Variants in UROC1 observed in about 807,000 individuals in gnomAD.
UROC1 encodes the protein urocanate hydratase.
Under a neutral mutation model 89.5 loss-of-function variants are expected in UROC1, and 79 were observed. The observed-to-expected ratio is 0.88, with a 90% CI of 0.74 to 1.06. The LOEUF (loss-of-function observed/expected upper bound fraction) is 1.06. Among genes scored for constraint, UROC1 ranks in the 50% least tolerant of loss-of-function variants. UROC1 has a pLI of 0.00. For missense variants in UROC1, 885 were observed against 907.8 expected (o/e 0.97, Z 0.32); for synonymous variants, 361 against 354.8 (o/e 1.02, Z -0.20).
At position 126,500,890 on chromosome 3, in the gene UROC1, G is replaced by C. The variant is rs79706014; in HGVS notation, c.966-16C>G. 6 of 1,612,816 alleles carry C rather than the reference G, an allele frequency of 3.7e-6. No homozygotes were observed. The East Asian group carries it at 1.3e-4, about 36-fold the overall frequency. On this transcript the variant is annotated splice_polypyrimidine_tract_variant and intron_variant, in intron 10 of 19. Transcript: ENST00000290868. ...CAGGCGCTCCCTGGGGAAGCCATGC[G>C]GTGGTCAGTGCAAGCCACACACAGC...
intron 16 of UROC1, among the ~76,000 whole-genome samples, chr3:126,490,501 C>T (rs1183467984): frequency 1.3e-5 from 2 of 152,142 alleles, no homozygotes; most frequent in Non-Finnish European, 2.9e-5. Context: ...GCCTGGCCAA[C>T]ATGGCAAAAC....
Position 126,482,063 on chromosome 3 carries a change from C to G in UROC1, c.*282G>C. 2.0e-6 allele frequency: 1 copy of G among 499,612 alleles called. No individual in the cohort carries two copies. Among genetic ancestry groups the G allele is most frequent in the South Asian group, 2.2e-5 (1 of 44,956 alleles). The allele number at this position is 499,612 out of a possible 1,614,324, so 30.9% of individuals were successfully genotyped here. ...CTTGACCAGTGTTCACCGCAGGGCCCCCGGGCAGGCTTGGGACTTGGCCCT... is the reference window on the plus strand; with the variant it reads ...CTTGACCAGTGTTCACCGCAGGGCCGCCGGGCAGGCTTGGGACTTGGCCCT... On this transcript the variant is annotated 3_prime_UTR_variant, in exon 20 of 20. Coordinates refer to ENST00000290868, the MANE Select transcript of UROC1 (RefSeq NM_144639.3).
intron 18 of UROC1, among the ~76,000 whole-genome samples, chr3:126,485,866 T>C (rs894312450): frequency 3.3e-5 from 5 of 152,026 alleles, no homozygotes; most frequent in African/African-American, 1.2e-4. Flanking sequence ...AGATATATAA[T>C]AGATGGTGGA....
At chr3:126,505,660 G>GGAGA (rs762867870) in intron 8 of UROC1, 41 bp downstream of exon 8, 3 of 1,607,332 alleles carry the variant, frequency 1.9e-6, no homozygotes, top group African/African-American at 1.3e-5. Context: ...AGGGAGGGAG[G>GGAGA]GAGGCAGGCA....
intron 17 of UROC1, among the ~76,000 whole-genome samples, 154 bp from the exon 18 acceptor site, chr3:126,488,433 C>T (rs777482): frequency 0.47 from 71,459 of 152,172 alleles, 17,895 homozygotes; most frequent in Middle Eastern, 0.63. Flanking sequence ...CAGCAGCAGT[C>T]GTGTGTGCTG....
At chr3:126,511,304 C>T (rs543847661) in intron 1 of UROC1, among the ~76,000 whole-genome samples, 1 of 152,190 alleles carries the variant, frequency 6.6e-6, no homozygotes, top group Admixed American at 6.5e-5. Flanking sequence ...CAGATACATA[C>T]ACCCATACTC....
At chr3:126,505,564 G>A in intron 8 of UROC1, 137 bp downstream of exon 8, 1 of 1,386,918 alleles carries the variant, frequency 7.2e-7, no homozygotes, top group Admixed American at 2.0e-5. Context: ...GGGGCTTCGT[G>A]GAGGAGGCAA....
At chr3:126,504,108 C>T (rs368996997) in intron 8 of UROC1, 25 bp from the exon 9 acceptor site, 140 of 1,610,388 alleles carry the variant, frequency 8.7e-5, no homozygotes, top group Non-Finnish European at 1.1e-4. Context: ...CATGGGGCCA[C>T]GAGACATGGG....
intron 1 of UROC1, among the ~76,000 whole-genome samples, chr3:126,516,006 C>T (rs1487943819): frequency 3.8e-5 from 2 of 52,770 alleles, no homozygotes; most frequent in Non-Finnish European, 3.7e-5. Context: ...CCTACCCTCA[C>T]TGTCTCCAAG....
rs746191901 is a variant in UROC1, at chr3:126,500,090, C to T, written c.1210G>A (p.Gly404Ser). Residue 404 changes from glycine to serine, a missense_variant, in exon 12 of 20, where the codon GGC becomes AGC. Coordinates refer to ENST00000290868, the MANE Select transcript of UROC1 (RefSeq NM_144639.3). ...AEEKFFFWDY[G>S]NAFLLEAQRA... ...TGGGCCTCCAAGAGGAAGGCATTGC[C>T]GTAGTCCCAGAAGAAGAACTTCTCC... 8 of 1,613,850 alleles carry T rather than the reference C, an allele frequency of 5.0e-6. No individual in the cohort carries two copies. Among genetic ancestry groups the T allele is most frequent in the South Asian group, 3.3e-5 (3 of 91,088 alleles).
intron 10 of UROC1, 144 bp downstream of exon 10, chr3:126,501,074 G>A: frequency 2.5e-6 from 3 of 1,189,386 alleles, no homozygotes; most frequent in South Asian, 2.4e-5. Context: ...TCAAGCTTGG[G>A]TAAGGGTGTG....
intron 14 of UROC1, 123 bp from the exon 15 acceptor site, chr3:126,496,231 A>T (rs2107539630): frequency 1.0e-6 from 1 of 970,274 alleles, no homozygotes; most frequent in South Asian, 1.4e-5. Flanking sequence ...ACACAAGGTG[A>T]GGGAGCCCAC....
chr3:126,517,462 TG>T, intron 1 of UROC1, 131 bp downstream of exon 1: 1 of 1,397,542 alleles, frequency 7.2e-7, no homozygotes, highest in Non-Finnish European at 1.0e-6. Context: ...CCGCACAGGC[TG>T]GAGCCCCTGG....
Position 126,481,957 on chromosome 3 carries a change from T to A in UROC1, c.*388A>T. 3.4e-6 allele frequency: 1 copy of A among 292,646 alleles called. No homozygotes were observed. The highest frequency in any genetic ancestry group is 6.6e-6 in the Non-Finnish European group (1 of 150,414). 18.1% of individuals were successfully genotyped at this position (292,646 alleles called of 1,614,324 possible). On this transcript the variant is annotated 3_prime_UTR_variant, in exon 20 of 20. Coordinates refer to ENST00000290868, the MANE Select transcript of UROC1 (RefSeq NM_144639.3). ...AGAAGTTGCTTGCACAGACAGCAGATGGGCAGCAGACAGACAGAGTTGCAT... is the reference window on the plus strand; with the variant it reads ...AGAAGTTGCTTGCACAGACAGCAGAAGGGCAGCAGACAGACAGAGTTGCAT...
rs758254623 is a variant in UROC1, at chr3:126,488,293, G to A, written c.1709-14C>T. The A allele has an allele frequency of 1.9e-6, 3 of 1,614,170 alleles. No individual in the cohort carries two copies. The highest frequency in any genetic ancestry group is 1.3e-5 in the African/African-American group (1 of 75,080). ...GCACAGCCATGTCTGCGGAAATAGA[G>A]ACGCCTCTGCTCATCACCCCCTGCA... On this transcript the variant is annotated splice_polypyrimidine_tract_variant and intron_variant, in intron 17 of 19. Transcript: ENST00000290868.
At chr3:126,509,404 A>T (rs539408204) in intron 3 of UROC1, among the ~76,000 whole-genome samples, 181 bp downstream of exon 3, 6 of 152,316 alleles carry the variant, frequency 3.9e-5, no homozygotes, top group African/African-American at 1.4e-4. Flanking sequence ...AGGCTGTACT[A>T]TAGACACGGA....
intron 8 of UROC1, among the ~76,000 whole-genome samples, chr3:126,505,323 C>T (rs970893033): frequency 1.3e-5 from 2 of 152,166 alleles, no homozygotes; most frequent in Non-Finnish European, 2.9e-5. Context: ...CCCACCTGTT[C>T]AAGGTGGGGA....
intron 15 of UROC1, among the ~76,000 whole-genome samples, chr3:126,492,999 T>C (rs1420418697): frequency 3.3e-5 from 5 of 152,202 alleles, no homozygotes; most frequent in African/African-American, 1.2e-4. Flanking sequence ...AAGCTCCATT[T>C]TCCAGATGAG....
chr3:126,508,153 C>A lies in UROC1; in HGVS notation c.412-58G>T, dbSNP rs1416315752. 3.1e-6 allele frequency: 5 copies of A among 1,611,854 alleles called. No homozygotes were observed. The East Asian group carries it at 1.1e-4, about 36-fold the overall frequency. On this transcript the variant is annotated intron_variant, in intron 4 of 19. Transcript: ENST00000290868. ...AACAGAAGCAGCACCCCACACCCAG[C>A]CCCACACCACCGTCCACGCCTGGAC...
Sources: gnomAD v4.1 joint callset for allele counts (sites outside exome capture counted in the v4.1 genomes callset) on GRCh38, gnomAD v4.1.1 for gene constraint, MANE v1.5 for transcripts, NCBI Gene and HGNC (gene_info 2026-07-23, HGNC 2026-07-21) for gene names.